ULK4: variants seen among roughly 807,000 people sequenced by gnomAD.
ULK4 encodes the protein unc-51 like kinase 4, also known as inactive serine/threonine-protein kinase ULK4.
A neutral mutation model predicts 160.6 loss-of-function variants in ULK4; 133 were observed. That is an observed-to-expected ratio of 0.83 (90% CI 0.72 to 0.96). The LOEUF is 0.96. Among genes scored for constraint, ULK4 ranks in the 40% least tolerant of loss-of-function variants. ULK4 has a pLI of 0.00. For missense variants in ULK4, 1,580 were observed against 1,499.5 expected (o/e 1.05, Z -0.89); for synonymous variants, 534 against 539.8 (o/e 0.99, Z 0.15).
intron 31 of ULK4, among the ~76,000 whole-genome samples, chr3:41,596,213 T>C (rs1297158015): frequency 1.3e-5 from 2 of 152,156 alleles, no homozygotes; most frequent in Non-Finnish European, 2.9e-5. Flanking sequence ...CAGCTGCACA[T>C]TGGGGGCATT....
At chr3:41,368,663 T>A (rs1292847984) in intron 35 of ULK4, among the ~76,000 whole-genome samples, 3 of 152,204 alleles carry the variant, frequency 2.0e-5, no homozygotes, top group Admixed American at 2.0e-4. Flanking sequence ...GTCTGTCTTA[T>A]TTAACTTAGC....
At chr3:41,313,732 G>A (rs2080095527) in intron 35 of ULK4, among the ~76,000 whole-genome samples, 1 of 152,076 alleles carries the variant, frequency 6.6e-6, no homozygotes, top group South Asian at 2.1e-4. Flanking sequence ...CAGTTCTATA[G>A]TGGTTTTAAA....
intron 17 of ULK4, among the ~76,000 whole-genome samples, chr3:41,861,192 A>G (rs781308074): frequency 6.6e-5 from 10 of 152,196 alleles, no homozygotes; most frequent in Non-Finnish European, 1.0e-4. Context: ...ACACACAATT[A>G]CAGTGTTACA....
At chr3:41,617,275 G>C (rs1015385884) in intron 30 of ULK4, among the ~76,000 whole-genome samples, 3 of 152,210 alleles carry the variant, frequency 2.0e-5, no homozygotes, top group Non-Finnish European at 2.9e-5. Flanking sequence ...CTCTGCTAAG[G>C]GACAGGCTGC....
intron 22 of ULK4, among the ~76,000 whole-genome samples, chr3:41,723,940 C>T (rs781767359): frequency 8.5e-5 from 13 of 152,160 alleles, no homozygotes; most frequent in Non-Finnish European, 1.8e-4. Context: ...AGAGAAATAG[C>T]CAGAGACATT....
intron 35 of ULK4, among the ~76,000 whole-genome samples, chr3:41,301,483 G>T (rs188530483): frequency 6.6e-6 from 1 of 152,222 alleles, no homozygotes; most frequent in Admixed American, 6.5e-5. Context: ...CAGCTGAAAA[G>T]ATTTCACACC....
intron 29 of ULK4, among the ~76,000 whole-genome samples, chr3:41,677,587 T>A (rs1182102084): frequency 6.6e-6 from 1 of 152,102 alleles, no homozygotes; most frequent in Non-Finnish European, 1.5e-5. Flanking sequence ...TGCCTCGGCC[T>A]CCCAAAGTGC....
chr3:41,270,485 C>T (rs552664731), intron 35 of ULK4, among the ~76,000 whole-genome samples: 1 of 152,162 alleles, frequency 6.6e-6, no homozygotes, highest in Non-Finnish European at 1.5e-5. Context: ...TTCTCTCTAT[C>T]CCTTTTTTAG....
intron 4 of ULK4, 79 bp downstream of exon 4, chr3:41,935,722 C>G (rs3934103): frequency 6.7e-7 from 1 of 1,482,984 alleles, no homozygotes; most frequent in East Asian, 2.4e-5. Context: ...AAATTTTATC[C>G]AAAAATAACA....
chr3:41,939,049 C>T (rs1699870031), intron 2 of ULK4, among the ~76,000 whole-genome samples: 1 of 152,002 alleles, frequency 6.6e-6, no homozygotes, highest in South Asian at 2.1e-4. Context: ...CATAGAGGAA[C>T]GAGTGTTATG....
chr3:41,397,285 G>C (rs1244554843), intron 35 of ULK4, among the ~76,000 whole-genome samples: 2 of 152,152 alleles, frequency 1.3e-5, no homozygotes, highest in Non-Finnish European at 2.9e-5. Flanking sequence ...TAAAATAAGT[G>C]AAGCAGAAGG....
chr3:41,409,393 A>T (rs879675974), intron 34 of ULK4, among the ~76,000 whole-genome samples: 1 of 152,244 alleles, frequency 6.6e-6, no homozygotes, highest in Non-Finnish European at 1.5e-5. Flanking sequence ...ACTAGACTTC[A>T]TCAAAATCTA....
chr3:41,681,589 T>G lies in ULK4; in HGVS notation c.2897A>C (p.Glu966Ala), dbSNP rs1365092344. 12 of 1,613,552 alleles carry G rather than the reference T, an allele frequency of 7.4e-6. No homozygotes were observed. The highest frequency in any genetic ancestry group is 1.0e-5 in the Non-Finnish European group (12 of 1,179,926). ...SETTSLLVNQ[E>A]FGDGKEKASV... The stretch of plus-strand genomic sequence containing the variant: ...GGCCTTCTCCTTGCCATCCCCAAAC[T>G]CCTGGTTCACGAGTAGAGATGTGGT... The change falls in exon 29 of 37, where the codon GAG (glutamate) becomes GCG (alanine). Residue 966 changes from glutamate (E) to alanine (A), a missense_variant. Coordinates refer to ENST00000301831, the MANE Select transcript of ULK4 (RefSeq NM_017886.4).
intron 30 of ULK4, among the ~76,000 whole-genome samples, chr3:41,616,446 T>A (rs2032968066): frequency 6.6e-6 from 1 of 152,020 alleles, no homozygotes. Context: ...AGGTACCCAG[T>A]TCATCTCACT....
At chr3:41,820,348 A>AAC (rs769361762) in intron 18 of ULK4, among the ~76,000 whole-genome samples, 2 of 152,220 alleles carry the variant, frequency 1.3e-5, no homozygotes, top group South Asian at 2.1e-4. Context: ...TTCTACCAAA[A>AAC]ACACACACAC....
At chr3:41,379,080 G>A (rs1218044000) in intron 35 of ULK4, among the ~76,000 whole-genome samples, 3 of 151,774 alleles carry the variant, frequency 2.0e-5, no homozygotes, top group Non-Finnish European at 4.4e-5. Context: ...GGGGAGGGCT[G>A]GCATTAGGAG....
chr3:41,671,877 C>G (rs889001672), intron 29 of ULK4, among the ~76,000 whole-genome samples: 1 of 151,768 alleles, frequency 6.6e-6, no homozygotes, highest in Non-Finnish European at 1.5e-5. Flanking sequence ...CAGTAAAAAA[C>G]CAACAACAAT....
chr3:41,397,520 G>A (rs928553005), intron 35 of ULK4, among the ~76,000 whole-genome samples: 1 of 152,108 alleles, frequency 6.6e-6, no homozygotes, highest in Admixed American at 6.6e-5. Context: ...ACCTAATCGT[G>A]AAGAAACATC....
intron 2 of ULK4, among the ~76,000 whole-genome samples, chr3:41,939,690 G>A (rs1370264158): frequency 6.6e-6 from 1 of 152,006 alleles, no homozygotes; most frequent in Non-Finnish European, 1.5e-5. Flanking sequence ...GAGCCAGGGG[G>A]GTCCCCAACT....
Sources: gnomAD v4.1 joint callset for allele counts (sites outside exome capture counted in the v4.1 genomes callset) on GRCh38, gnomAD v4.1.1 for gene constraint, MANE v1.5 for transcripts, NCBI Gene and HGNC (gene_info 2026-07-23, HGNC 2026-07-21) for gene names.